TMEM232: variants seen among roughly 807,000 people sequenced by gnomAD.
TMEM232 encodes the protein transmembrane protein 232.
In TMEM232, 80 loss-of-function variants were observed where a neutral mutation model predicts 78.8. The observed-to-expected ratio is 1.01, with a 90% CI of 0.85 to 1.22. The LOEUF (loss-of-function observed/expected upper bound fraction) is 1.22. Ranked by LOEUF, TMEM232 falls within the 50% of genes most tolerant of loss-of-function variation. The pLI, the probability that TMEM232 is intolerant of heterozygous loss-of-function variation, is 0.00. For synonymous variants in TMEM232, 297 were observed against 254.3 expected (o/e 1.17, Z -1.60); for missense variants, 881 against 742.2 (o/e 1.19, Z -2.17).
At chr5:110,639,004 T>A (rs1352310355) in intron 4 of TMEM232, among the ~76,000 whole-genome samples, 2 of 152,160 alleles carry the variant, frequency 1.3e-5, no homozygotes, top group East Asian at 3.9e-4. Flanking sequence ...TCTCAAATCA[T>A]TACAAAAGTT....
intron 12 of TMEM232, among the ~76,000 whole-genome samples, chr5:110,521,431 G>T (rs1769488043): frequency 6.6e-6 from 1 of 152,044 alleles, no homozygotes; most frequent in African/African-American, 2.4e-5. Flanking sequence ...TAACTTTGTT[G>T]ATTGTTTATT....
At chr5:110,572,723 C>T (rs1326155146) in intron 10 of TMEM232, among the ~76,000 whole-genome samples, 4 of 151,990 alleles carry the variant, frequency 2.6e-5, no homozygotes, top group East Asian at 3.9e-4. Flanking sequence ...GAGCTGTTCA[C>T]CTGTTGATTT....
chr5:110,454,983 A>T (rs577050125), intron 12 of TMEM232, among the ~76,000 whole-genome samples: 1 of 152,256 alleles, frequency 6.6e-6, no homozygotes, highest in East Asian at 1.9e-4. Context: ...AATTATCAAT[A>T]TTAAAATGAA....
At chr5:110,408,111 G>T (rs577616000) in intron 2 of TMEM232, among the ~76,000 whole-genome samples, 5 of 151,950 alleles carry the variant, frequency 3.3e-5, no homozygotes, top group Admixed American at 1.3e-4. Flanking sequence ...ACAAAAAGTT[G>T]TATCTATGGG....
At position 110,627,781 on chromosome 5, in the gene TMEM232, C is replaced by T. The variant is rs148599774; in HGVS notation, c.601G>A (p.Ala201Thr). Residue 201 changes from alanine (A) to threonine (T), a missense_variant and splice_region_variant, in exon 6 of 14, where the codon GCA (alanine) becomes ACA (threonine). Physicochemically the swap from Ala to Thr is moderately conservative, Grantham distance 58 (BLOSUM62 0). Coordinates refer to ENST00000455884, the MANE Select transcript of TMEM232 (RefSeq NM_001039763.4). ...HLLRLQPYLY[A>T]LSFSGASYHK... is the part of the protein sequence containing the mutation. ...AGTGTAAAAATAAAAGATATTCTAC[C>T]GTATAAATATGGTTGAAGCCTAAGT... The T allele has an allele frequency of 4.4e-4, 648 of 1,467,748 alleles. 3 individuals carry two copies. In the African/African-American group the frequency reaches 7.0e-3, roughly 16 times the overall value. 90.9% of individuals were successfully genotyped at this position (1,467,748 alleles called of 1,614,324 possible).
At chr5:110,490,165 G>GAAAT (rs766777109) in intron 12 of TMEM232, among the ~76,000 whole-genome samples, 2 of 131,786 alleles carry the variant, frequency 1.5e-5, no homozygotes, top group African/African-American at 7.3e-5. Context: ...AAGAAAGAAA[G>GAAAT]AAAGAAAGAA....
intron 10 of TMEM232, among the ~76,000 whole-genome samples, chr5:110,579,396 G>A (rs1370899043): frequency 6.6e-6 from 1 of 150,882 alleles, no homozygotes; most frequent in East Asian, 2.0e-4. Flanking sequence ...CAATATGATA[G>A]CATAAGAAAA....
chr5:110,552,686 A>G (rs1202478528), intron 11 of TMEM232, among the ~76,000 whole-genome samples: 1 of 152,184 alleles, frequency 6.6e-6, no homozygotes, highest in Non-Finnish European at 1.5e-5. Context: ...AAGCTTATAT[A>G]TTCATATTCA....
intron 11 of TMEM232, among the ~76,000 whole-genome samples, chr5:110,530,828 T>A (rs1771345058): frequency 6.6e-6 from 1 of 152,168 alleles, no homozygotes; most frequent in African/African-American, 2.4e-5. Context: ...ATACATCATA[T>A]CTTGAAAAAT....
chr5:110,641,106 T>C, intron 3 of TMEM232, 110 bp from the exon 4 acceptor site: 1 of 641,322 alleles, frequency 1.6e-6, no homozygotes, highest in Non-Finnish European at 2.3e-6. Context: ...AAGCTAATGC[T>C]TGGTGGCCAG....
chr5:110,627,942 A>G, intron 5 of TMEM232, 62 bp from the exon 6 acceptor site: 12 of 1,098,266 alleles, frequency 1.1e-5, no homozygotes, highest in Non-Finnish European at 1.3e-5. Context: ...TAAAAACCAT[A>G]AGAAAAATCA....
intron 7 of TMEM232, among the ~76,000 whole-genome samples, chr5:110,621,062 C>T (rs1256965299): frequency 6.6e-6 from 1 of 151,628 alleles, no homozygotes; most frequent in Non-Finnish European, 1.5e-5. Context: ...AGGGTTTCAC[C>T]ATTTTGGTCA....
intron 12 of TMEM232, among the ~76,000 whole-genome samples, chr5:110,471,617 GAAAA>G (rs563884697): frequency 7.1e-6 from 1 of 140,720 alleles, no homozygotes; most frequent in Non-Finnish European, 1.6e-5. Flanking sequence ...AGTGCTGAAA[GAAAA>G]AAAAAAAGAA....
At chr5:110,504,493 G>A (rs1029643670) in intron 12 of TMEM232, among the ~76,000 whole-genome samples, 1 of 152,174 alleles carries the variant, frequency 6.6e-6, no homozygotes, top group African/African-American at 2.4e-5. Flanking sequence ...TATACATAGA[G>A]AGAGGAATTG....
At chr5:110,478,487 A>C (rs1763500722) in intron 12 of TMEM232, among the ~76,000 whole-genome samples, 1 of 151,856 alleles carries the variant, frequency 6.6e-6, no homozygotes, top group Non-Finnish European at 1.5e-5. Context: ...TGTCTAAGCA[A>C]CTGAGGCCAT....
intron 8 of TMEM232, among the ~76,000 whole-genome samples, chr5:110,611,463 A>G (rs1782267757): frequency 6.6e-6 from 1 of 152,074 alleles, no homozygotes. Flanking sequence ...AGCCTCAGAC[A>G]AGCAATGACT....
At chr5:110,526,510 C>G (rs370709150) in intron 12 of TMEM232, among the ~76,000 whole-genome samples, 1 of 151,860 alleles carries the variant, frequency 6.6e-6, no homozygotes, top group Non-Finnish European at 1.5e-5. Context: ...TATTTAGAAA[C>G]CATATTTTAC....
intron 4 of TMEM232, among the ~76,000 whole-genome samples, chr5:110,389,396 C>T (rs1200766676): frequency 6.6e-6 from 1 of 152,170 alleles, no homozygotes; most frequent in East Asian, 1.9e-4. Flanking sequence ...ATTGGGGTTG[C>T]ATACTTTTCC....
chr5:110,675,097 G>A lies in TMEM232; in HGVS notation c.-12-7733C>T, dbSNP rs72773141. Among the ~76,000 whole-genome samples, 1,145 of 152,100 alleles carry A rather than the reference G, an allele frequency of 7.5e-3. 6 individuals carry two copies. The highest frequency in any genetic ancestry group is 0.012 in the Non-Finnish European group (842 of 68,000). ...TCCTCTGTCACCCAGGCTGGATGGA[G>A]TGTATTGGCGCAATCTCGGCTCACT... On this transcript the variant is annotated intron_variant, in intron 1 of 13. Transcript: ENST00000455884.
Sources: gnomAD v4.1 joint callset for allele counts (sites outside exome capture counted in the v4.1 genomes callset) on GRCh38, gnomAD v4.1.1 for gene constraint, MANE v1.5 for transcripts, NCBI Gene and HGNC (gene_info 2026-07-23, HGNC 2026-07-21) for gene names.